Variants in DCC observed in about 807,000 individuals in gnomAD.
DCC encodes DCC netrin 1 receptor.
In DCC, 58 loss-of-function variants were observed where a neutral mutation model predicts 172.5. The observed-to-expected ratio is 0.34, with a 90% CI of 0.27 to 0.42. DCC has a LOEUF of 0.42. Among genes scored for constraint, DCC ranks in the 10% least tolerant of loss-of-function variants. The pLI is 1.00. For synonymous variants in DCC, 709 were observed against 644.5 expected (o/e 1.10, Z -1.52); for missense variants, 1,740 against 1,791.0 (o/e 0.97, Z 0.51).
chr18:52,653,837 C>T (rs1447469355), intron 1 of DCC, among the ~76,000 whole-genome samples: 1 of 152,146 alleles, frequency 6.6e-6, no homozygotes, highest in Non-Finnish European at 1.5e-5. Context: ...CTTTGCTTCA[C>T]TTTTGTTGCC....
chr18:52,708,901 G>C (rs554578578), intron 1 of DCC, among the ~76,000 whole-genome samples: 8 of 152,220 alleles, frequency 5.3e-5, no homozygotes, highest in Non-Finnish European at 7.4e-5. Context: ...AGCTCTTTCT[G>C]GTAGAATAAA....
At chr18:53,527,029 G>GT (rs1470223047) in intron 28 of DCC, 3 of 466,458 alleles carry the variant, frequency 6.4e-6, no homozygotes, top group Admixed American at 6.6e-5. Context: ...TACAGAACGT[G>GT]TGGTTTTACA....
chr18:53,271,657 G>T (rs1334946735), intron 12 of DCC, among the ~76,000 whole-genome samples: 1 of 152,136 alleles, frequency 6.6e-6, no homozygotes, highest in East Asian at 1.9e-4. Context: ...GCAAGACAGG[G>T]AAACTCAAGC....
chr18:53,518,188 T>C (rs1005568364), intron 27 of DCC, among the ~76,000 whole-genome samples: 1 of 152,140 alleles, frequency 6.6e-6, no homozygotes, highest in Admixed American at 6.5e-5. Flanking sequence ...CATCACAGAA[T>C]GGATCAGAGA....
In DCC at chr18:53,207,682, A is replaced by G. The variant is rs146896947; in HGVS notation, c.1726A>G (p.Ile576Val). ...TTTTGGTGTTTTATGTCTCCAGAATATAGAGGTTGATGGACTATCTTATAA... is the reference window on the plus strand; with the variant it reads ...TTTTGGTGTTTTATGTCTCCAGAATGTAGAGGTTGATGGACTATCTTATAA... ...TEVSTGKEQN[I>V]EVDGLSYKLE... Residue 576 changes from isoleucine (I) to valine (V), a missense_variant, in exon 11 of 29, where the codon ATA (isoleucine) becomes GTA (valine). By Grantham distance (29) the Ile-to-Val change is conservative. Around this residue, in one of 2 missense-constraint regions of DCC, gnomAD observed 1,732 missense variants for 1,767.4 expected, o/e 0.98. Transcript: ENST00000442544. 40 of 1,613,604 alleles carry G rather than the reference A, an allele frequency of 2.5e-5. No individual in the cohort carries two copies. The Admixed American group carries it at 3.7e-4, about 15-fold the overall frequency.
At chr18:53,370,505 T>G (rs529788231) in intron 15 of DCC, among the ~76,000 whole-genome samples, 1 of 151,904 alleles carries the variant, frequency 6.6e-6, no homozygotes, top group South Asian at 2.1e-4. Flanking sequence ...ATTTTTTAAT[T>G]TAAGCATTTA....
chr18:53,349,582 A>G (rs569721219), intron 15 of DCC, among the ~76,000 whole-genome samples: 3 of 152,318 alleles, frequency 2.0e-5, no homozygotes, highest in South Asian at 4.1e-4. Context: ...GCAATTTACA[A>G]AAGAAAGGGG....
intron 15 of DCC, among the ~76,000 whole-genome samples, chr18:53,380,075 A>T (rs1907597880): frequency 6.6e-6 from 1 of 152,214 alleles, no homozygotes; most frequent in African/African-American, 2.4e-5. Context: ...CACTAAGTGT[A>T]TTCCTGCACA....
chr18:52,853,679 G>A (rs35063233), intron 2 of DCC, among the ~76,000 whole-genome samples: 47,588 of 152,082 alleles, frequency 0.31, 8,572 homozygotes, highest in South Asian at 0.48. Context: ...AGGACTCTGA[G>A]GTCCTGGAAA....
chr18:52,844,220 C>T (rs1266542414), intron 2 of DCC, among the ~76,000 whole-genome samples: 1 of 152,162 alleles, frequency 6.6e-6, no homozygotes, highest in South Asian at 2.1e-4. Context: ...CCAATCTCCT[C>T]TGGGCTTCAG....
intron 1 of DCC, among the ~76,000 whole-genome samples, chr18:52,476,410 G>T (rs779409603): frequency 1.3e-5 from 2 of 152,146 alleles, no homozygotes; most frequent in Non-Finnish European, 2.9e-5. Context: ...GATGTGAAAT[G>T]CTGTCTGAGC....
intron 7 of DCC, among the ~76,000 whole-genome samples, chr18:53,123,421 G>T (rs929105361): frequency 6.6e-6 from 1 of 151,990 alleles, no homozygotes; most frequent in African/African-American, 2.4e-5. Flanking sequence ...GCAGAGTGGG[G>T]GTGTGAAGGG....
intron 15 of DCC, among the ~76,000 whole-genome samples, chr18:53,380,028 A>G (rs1379835679): frequency 1.3e-5 from 2 of 152,210 alleles, no homozygotes; most frequent in Admixed American, 1.3e-4. Flanking sequence ...GCAACATTTT[A>G]GCAAGTACAA....
intron 5 of DCC, among the ~76,000 whole-genome samples, chr18:52,954,915 T>G (rs780410396): frequency 1.1e-4 from 16 of 152,120 alleles, no homozygotes; most frequent in Non-Finnish European, 2.1e-4. Flanking sequence ...CGAACAGGTT[T>G]AGGTTCACAG....
At chr18:53,054,321 A>C (rs2144048711) in intron 5 of DCC, among the ~76,000 whole-genome samples, 1 of 152,162 alleles carries the variant, frequency 6.6e-6, no homozygotes, top group Non-Finnish European at 1.5e-5. Context: ...GAGAATGTAT[A>C]AAATTATCTC....
chr18:53,117,881 C>G (rs533740535), intron 7 of DCC, among the ~76,000 whole-genome samples: 1 of 151,822 alleles, frequency 6.6e-6, no homozygotes. Context: ...ACGTCATGAA[C>G]TGTTCTTCTT....
intron 1 of DCC, among the ~76,000 whole-genome samples, chr18:52,441,252 A>G (rs1302709881): frequency 6.6e-6 from 1 of 152,190 alleles, no homozygotes; most frequent in Non-Finnish European, 1.5e-5. Context: ...ATACTGAATC[A>G]GGAATGAGAC....
At chr18:53,145,994 G>A (rs1477109565) in intron 7 of DCC, among the ~76,000 whole-genome samples, 1 of 152,140 alleles carries the variant, frequency 6.6e-6, no homozygotes, top group African/African-American at 2.4e-5. Context: ...GGCACTTTGG[G>A]AGGCTGAGAT....
At chr18:53,518,586 C>T (rs2046365146) in intron 27 of DCC, among the ~76,000 whole-genome samples, 2 of 152,132 alleles carry the variant, frequency 1.3e-5, no homozygotes, top group African/African-American at 4.8e-5. Context: ...ACCTGAGGCA[C>T]ACTGCTAGCC....
Sources: gnomAD v4.1 joint callset for allele counts (sites outside exome capture counted in the v4.1 genomes callset) on GRCh38, gnomAD v4.1.1 for gene constraint, gnomAD v4.1.1 regional missense constraint, MANE v1.5 for transcripts, NCBI Gene and HGNC (gene_info 2026-07-23, HGNC 2026-07-21) for gene names.